ZNF561: variants seen among roughly 807,000 people sequenced by gnomAD.
ZNF561 encodes zinc finger protein 561.
Under a neutral mutation model 16.7 loss-of-function variants are expected in ZNF561, and 16 were observed. The observed-to-expected ratio is 0.96, with a 90% CI of 0.65 to 1.45. The LOEUF (loss-of-function observed/expected upper bound fraction) is 1.45. ZNF561 is among the 40% of genes most tolerant of loss of function. ZNF561 has a pLI of 0.00. For missense variants in ZNF561, 580 were observed against 578.0 expected, an observed-to-expected ratio of 1.00 and a Z score of -0.04; for synonymous variants, 190 against 192.1, an observed-to-expected ratio of 0.99 and a Z score of 0.09.
chr19:9,612,830 T>G (rs1007642336), intron 5 of ZNF561, among the ~76,000 whole-genome samples: 12 of 152,238 alleles, frequency 7.9e-5, no homozygotes, highest in African/African-American at 2.9e-4. Context: ...AAGGTCTCAC[T>G]CTGTCACCCA....
At position 9,607,446 on chromosome 19, in the gene ZNF561, T is replaced by C. The variant is rs781740315; in HGVS notation, c.*2754A>G. The C allele has an allele frequency of 3.3e-5, 5 of 152,132 alleles. No individual in the cohort carries two copies. The highest frequency in any genetic ancestry group is 7.3e-5 in the Non-Finnish European group (5 of 68,028). The allele number at this position is 152,132 out of a possible 1,614,324, so 9.4% of individuals were successfully genotyped here. A position where few individuals can be genotyped will look rare whatever the true frequency, so the allele number is the denominator to read the frequency against. On this transcript the variant is annotated 3_prime_UTR_variant, in exon 6 of 6. Coordinates refer to ENST00000302851, the MANE Select transcript of ZNF561 (RefSeq NM_152289.3). ...GATGCACAGGAAGCATTTAATAAATTCAAGAGGAATTCAGCCTCATGAATT... is the reference window on the plus strand; with the variant it reads ...GATGCACAGGAAGCATTTAATAAATCCAAGAGGAATTCAGCCTCATGAATT...
chr19:9,612,688 AT>A (rs1180736106), intron 5 of ZNF561, among the ~76,000 whole-genome samples: 1 of 152,010 alleles, frequency 6.6e-6, no homozygotes, highest in Non-Finnish European at 1.5e-5. Context: ...CCTTGTTTTT[AT>A]TCCCTGACTT....
chr19:9,617,449 TTTA>T (rs2074576379), intron 3 of ZNF561: 1 of 443,690 alleles, frequency 2.3e-6, no homozygotes, highest in Admixed American at 5.7e-5. Flanking sequence ...AATTTTAAAT[TTTA>T]TTTTTATTTT....
rs766625087 is a variant in ZNF561, at chr19:9,619,541, G to C, written c.-85C>G. The C allele has an allele frequency of 7.2e-5, 102 of 1,426,210 alleles. No homozygotes were observed. The highest frequency in any genetic ancestry group is 1.0e-4 in the Non-Finnish European group (102 of 1,016,670). The allele number at this position is 1,426,210 out of a possible 1,614,324, so 88.3% of individuals were successfully genotyped here. A position where few individuals can be genotyped will look rare whatever the true frequency, so the allele number is the denominator to read the frequency against. ...GCCAGCTTATGAATCTAGGTGGATA[G>C]AGGCAATCTCCATTCCTCTTTGTAC... On this transcript the variant is annotated 5_prime_UTR_variant, in exon 2 of 6. Coordinates refer to ENST00000302851, the MANE Select transcript of ZNF561 (RefSeq NM_152289.3).
chr19:9,611,283 G>A lies in ZNF561; in HGVS notation c.378C>T (p.Val126=). The change falls in exon 6 of 6, where the codon GTC becomes GTT. Residue 126 remains valine (V), a synonymous_variant. Coordinates refer to ENST00000302851, the MANE Select transcript of ZNF561 (RefSeq NM_152289.3). The part of the protein sequence containing the change: ...KLCDCKNCGE[V]FREQFCLKTH... ...TCTTAAGGCAAAACTGTTCCCTGAA[G>A]ACCTCTCCACAATTCTTACAGTCAC... 1.2e-6 allele frequency: 2 copies of A among 1,613,886 alleles called. No homozygotes were observed. The highest frequency in any genetic ancestry group is 1.7e-6 in the Non-Finnish European group (2 of 1,179,860).
At chr19:9,617,729 G>GCAGCACACTCCT in intron 3 of ZNF561, 1 of 458,130 alleles carries the variant, frequency 2.2e-6, no homozygotes, top group Non-Finnish European at 4.4e-6. Context: ...TGGTGTCTAT[G>GCAGCACACTCCT]CAGCACACTC....
At chr19:9,611,457 TTTC>T (rs1285368691) in intron 5 of ZNF561, 121 bp from the exon 6 acceptor site, 2 of 1,128,734 alleles carry the variant, frequency 1.8e-6, no homozygotes, top group African/African-American at 3.2e-5. Flanking sequence ...TTAATTTTTT[TTTC>T]TTTTTGAGAG....
chr19:9,620,405 T>C (rs1470418212), intron 1 of ZNF561, among the ~76,000 whole-genome samples: 5 of 152,164 alleles, frequency 3.3e-5, no homozygotes, highest in Admixed American at 3.3e-4. Context: ...TTTGTAGTTT[T>C]AGTAGAGACA....
Position 9,611,004 on chromosome 19 carries a change from G to A in ZNF561, c.657C>T (p.His219=), listed in dbSNP as rs1280535198. The change falls in exon 6 of 6, where the codon CAC becomes CAT. Residue 219 remains histidine, a synonymous_variant. Transcript: ENST00000302851. ...GAAATTCACAGAGTTTCTCATCAGT[G>A]TGGATTCCCATATGATTATCAAGGC... is the stretch of plus-strand genomic sequence containing the variant. ...FASLDNHMGI[H]TDEKLCEFQE... is the part of the protein sequence containing the mutation. The A allele has an allele frequency of 1.2e-6, 2 of 1,614,180 alleles. No individual in the cohort carries two copies. The highest frequency in any genetic ancestry group is 1.1e-5 in the South Asian group (1 of 91,078).
chr19:9,613,407 T>C (rs1302366368), intron 5 of ZNF561, among the ~76,000 whole-genome samples: 3 of 152,142 alleles, frequency 2.0e-5, no homozygotes. Flanking sequence ...GCTAACTTTG[T>C]ATTTTTAGTA....
In ZNF561 at chr19:9,607,824, A is replaced by T. The variant is rs887520984; in HGVS notation, c.*2376T>A. On this transcript the variant is annotated 3_prime_UTR_variant, in exon 6 of 6. Transcript: ENST00000302851. ...GACTGAATGATAACCCTGAAAATTC[A>T]TATGTTGAAGCTCCAAATCCCAATG... 1.3e-5 allele frequency: 2 copies of T among 152,160 alleles called. No homozygotes were observed. Among genetic ancestry groups the T allele is most frequent in the African/African-American group, 4.8e-5 (2 of 41,450 alleles). The allele number at this position is 152,160 out of a possible 1,614,324, so 9.4% of individuals were successfully genotyped here. A position where few individuals can be genotyped will look rare whatever the true frequency, so the allele number is the denominator to read the frequency against.
chr19:9,613,463 A>G (rs1210909856), intron 5 of ZNF561, among the ~76,000 whole-genome samples: 1 of 152,070 alleles, frequency 6.6e-6, no homozygotes, highest in Non-Finnish European at 1.5e-5. Flanking sequence ...TCGAAGTGCT[A>G]ATCTCAAGTG....
In ZNF561 at chr19:9,619,487, T is replaced by A; in HGVS notation, c.-31A>T. 3 of 1,612,202 alleles carry A rather than the reference T, an allele frequency of 1.9e-6. No individual in the cohort carries two copies. Among genetic ancestry groups the A allele is most frequent in the Non-Finnish European group, 2.5e-6 (3 of 1,178,740 alleles). ...GAAGCTGATGGTGTGATGATGTGCA[T>A]CCCTTCCTTGATGCCAAGATCACCT... On this transcript the variant is annotated 5_prime_UTR_variant, in exon 2 of 6. It removes an upstream start codon present in the reference 5' UTR. Coordinates refer to ENST00000302851, the MANE Select transcript of ZNF561 (RefSeq NM_152289.3).
chr19:9,610,445 A>G lies in ZNF561; in HGVS notation c.1216T>C (p.Ser406Pro). ...VECGKTFITS[S>P]RRSKHLKTHS... is the part of the protein sequence containing the mutation. ...GTTTTCAAATGTTTACTACGACGGG[A>G]AGAAGTAATGAAGGTCTTCCCACAT... Residue 406 changes from serine to proline, a missense_variant, in exon 6 of 6, where the codon TCC becomes CCC. Coordinates refer to ENST00000302851, the MANE Select transcript of ZNF561 (RefSeq NM_152289.3). The G allele has an allele frequency of 4.3e-6, 7 of 1,611,820 alleles. No homozygotes were observed. The highest frequency in any genetic ancestry group is 5.9e-6 in the Non-Finnish European group (7 of 1,178,304).
rs1430558348 is a variant in ZNF561 at position 9,611,075 on chromosome 19, G to T, written c.586C>A (p.Pro196Thr). The part of the protein sequence containing the change: ...VHLEVLNARQ[P>T]YKCKECGKGF... The stretch of plus-strand genomic sequence containing the variant: ...TTTCCACATTCCTTACATTTGTAGG[G>T]TTGTCTTGCATTGAGAACTTCAAGA... The change falls in exon 6 of 6, where the codon CCC becomes ACC. Residue 196 changes from proline (P) to threonine (T), a missense_variant. By Grantham distance (38) the Pro-to-Thr change is conservative. Coordinates refer to ENST00000302851, the MANE Select transcript of ZNF561 (RefSeq NM_152289.3). The T allele has an allele frequency of 6.2e-7, 1 of 1,614,130 alleles. No homozygotes were observed.
At chr19:9,612,656 T>C (rs140686084) in intron 5 of ZNF561, among the ~76,000 whole-genome samples, 24 of 152,140 alleles carry the variant, frequency 1.6e-4, no homozygotes, top group Non-Finnish European at 3.2e-4. Flanking sequence ...CTTTGATAAT[T>C]ATAATTTTTA....
rs1353519284 is a variant in ZNF561, at chr19:9,619,539, T to C, written c.-83A>G. 8 of 1,453,822 alleles carry C rather than the reference T, an allele frequency of 5.5e-6. No individual in the cohort carries two copies. Among genetic ancestry groups the C allele is most frequent in the Non-Finnish European group, 6.7e-6 (7 of 1,041,332 alleles). The allele number at this position is 1,453,822 out of a possible 1,614,324, so 90.1% of individuals were successfully genotyped here. On this transcript the variant is annotated 5_prime_UTR_variant, in exon 2 of 6. Transcript: ENST00000302851. ...AGGCCAGCTTATGAATCTAGGTGGA[T>C]AGAGGCAATCTCCATTCCTCTTTGT...
At chr19:9,614,789 C>T (rs1385470113) in intron 4 of ZNF561, among the ~76,000 whole-genome samples, 1 of 151,046 alleles carries the variant, frequency 6.6e-6, no homozygotes, top group Admixed American at 6.6e-5. Flanking sequence ...ATATCCAAAA[C>T]TCTGAGAAAA....
intron 1 of ZNF561, among the ~76,000 whole-genome samples, 186 bp from the exon 2 acceptor site, chr19:9,619,768 G>A (rs1046719837): frequency 6.6e-6 from 1 of 152,122 alleles, no homozygotes; most frequent in Non-Finnish European, 1.5e-5. Context: ...GTCAGAAGTA[G>A]CTCTAGTAGC....
Sources: allele counts gnomAD v4.1 joint callset (sites outside exome capture counted in the v4.1 genomes callset), GRCh38; gene constraint gnomAD v4.1.1; transcripts MANE v1.5; gene names NCBI Gene and HGNC (gene_info 2026-07-23, HGNC 2026-07-21).